CD247: variants seen among roughly 807,000 people sequenced by gnomAD.
The protein encoded by CD247 is T-cell surface glycoprotein CD3 zeta chain.
In CD247, 13 loss-of-function variants were observed where a neutral mutation model predicts 30.0. The observed-to-expected ratio is 0.43, with a 90% CI of 0.28 to 0.69. The LOEUF (loss-of-function observed/expected upper bound fraction) is 0.69. Among genes scored for constraint, CD247 ranks in the 30% least tolerant of loss-of-function variants. The pLI, the probability that CD247 is intolerant of heterozygous loss-of-function variation, is 0.16. For missense variants in CD247, 193 were observed against 212.6 expected, an observed-to-expected ratio of 0.91 and a Z score of 0.57; for synonymous variants, 72 against 80.0, an observed-to-expected ratio of 0.90 and a Z score of 0.53.
chr1:167,492,907 A>T (rs975323785), intron 1 of CD247, among the ~76,000 whole-genome samples: 1 of 152,098 alleles, frequency 6.6e-6, no homozygotes, highest in African/African-American at 2.4e-5. Flanking sequence ...GAGGCAGGAA[A>T]GGGGCTGAGT....
In CD247 at chr1:167,430,811, T is replaced by TGTCC. The variant is rs1310653639; in HGVS notation, c.*866_*869dup. On this transcript the variant is annotated 3_prime_UTR_variant, in exon 8 of 8. Transcript: ENST00000362089. ...TGACGGGTTTTTCCTGTCCTGCCAC[T>TGTCC]GTCCGCTGGGCAGTTATAGGTCCCA... The TGTCC allele has an allele frequency of 5.0e-6, 2 of 398,742 alleles. No individual in the cohort carries two copies. Among genetic ancestry groups the TGTCC allele is most frequent in the African/African-American group, 4.1e-5 (2 of 48,782 alleles). The allele number at this position is 398,742 out of a possible 1,614,324, so 24.7% of individuals were successfully genotyped here. A position where few individuals can be genotyped will look rare whatever the true frequency, so the allele number is the denominator to read the frequency against.
At chr1:167,434,881 G>C (rs534411967) in intron 5 of CD247, 23 of 466,702 alleles carry the variant, frequency 4.9e-5, no homozygotes, top group African/African-American at 4.2e-4. Flanking sequence ...AGACCACAGA[G>C]TGAGGAGCAA....
chr1:167,446,132 C>T (rs1652064843), intron 1 of CD247, among the ~76,000 whole-genome samples: 1 of 152,176 alleles, frequency 6.6e-6, no homozygotes. Context: ...GGCTTCGATG[C>T]AGCTGACCTA....
At chr1:167,506,339 T>A (rs1181323685) in intron 1 of CD247, among the ~76,000 whole-genome samples, 2 of 148,370 alleles carry the variant, frequency 1.3e-5, no homozygotes, top group Non-Finnish European at 3.0e-5. Context: ...TTCTTTCTCC[T>A]CTCCCTCCCC....
At chr1:167,502,808 C>T (rs934957017) in intron 1 of CD247, among the ~76,000 whole-genome samples, 13 of 152,274 alleles carry the variant, frequency 8.5e-5, no homozygotes, top group African/African-American at 2.6e-4. Flanking sequence ...GATGCATCTA[C>T]AAGCCAAGGA....
chr1:167,461,342 C>T (rs1652998800), intron 1 of CD247, among the ~76,000 whole-genome samples: 2 of 152,232 alleles, frequency 1.3e-5, no homozygotes, highest in African/African-American at 4.8e-5. Flanking sequence ...CACTCTAGAG[C>T]TATTTCTACT....
chr1:167,501,173 G>A (rs1387872449), intron 1 of CD247, among the ~76,000 whole-genome samples: 1 of 150,406 alleles, frequency 6.6e-6, no homozygotes, highest in Non-Finnish European at 1.5e-5. Flanking sequence ...TCCTGCCTCA[G>A]CCTCCCGAGT....
At chr1:167,471,830 T>TC (rs1653539726) in intron 1 of CD247, among the ~76,000 whole-genome samples, 1 of 143,568 alleles carries the variant, frequency 7.0e-6, no homozygotes, top group Non-Finnish European at 1.5e-5. Context: ...TCTGTTTCTT[T>TC]CTTTTTTTTT....
chr1:167,450,255 C>A (rs776785225), intron 1 of CD247, among the ~76,000 whole-genome samples: 3 of 152,104 alleles, frequency 2.0e-5, no homozygotes, highest in Admixed American at 1.3e-4. Flanking sequence ...CAACACTTGG[C>A]GAGGCCAAGC....
intron 1 of CD247, among the ~76,000 whole-genome samples, chr1:167,444,929 A>C (rs1321191096): frequency 1.3e-5 from 2 of 150,042 alleles, no homozygotes; most frequent in Non-Finnish European, 3.0e-5. Context: ...TAAATACGAT[A>C]CTTTTTTTTT....
chr1:167,438,763 C>A (rs761963998), intron 3 of CD247, 113 bp from the exon 4 acceptor site: 6 of 835,936 alleles, frequency 7.2e-6, no homozygotes, highest in Non-Finnish European at 1.3e-5. Context: ...AAAAGAGGGG[C>A]AGGGGCTGGG....
intron 1 of CD247, among the ~76,000 whole-genome samples, chr1:167,461,780 A>G (rs2102031472): frequency 6.6e-6 from 1 of 152,176 alleles, no homozygotes; most frequent in South Asian, 2.1e-4. Context: ...CCTGGGAGGC[A>G]GAGGTTGCAG....
chr1:167,473,432 G>A (rs974095178), intron 1 of CD247, among the ~76,000 whole-genome samples: 1 of 152,160 alleles, frequency 6.6e-6, no homozygotes, highest in Admixed American at 6.5e-5. Context: ...AGGCTACTAG[G>A]AGAAATGTCA....
intron 1 of CD247, among the ~76,000 whole-genome samples, chr1:167,465,594 G>T (rs984939654): frequency 3.5e-4 from 54 of 152,264 alleles, no homozygotes; most frequent in African/African-American, 1.1e-3. Context: ...GCCTCCAAAA[G>T]TTCTGGTATT....
intron 1 of CD247, among the ~76,000 whole-genome samples, chr1:167,471,763 C>T (rs1053925289): frequency 2.0e-5 from 3 of 151,254 alleles, no homozygotes; most frequent in African/African-American, 4.9e-5. Context: ...CCACTACACT[C>T]GGCTTTATTT....
intron 1 of CD247, among the ~76,000 whole-genome samples, chr1:167,495,193 T>A (rs959598159): frequency 6.6e-6 from 1 of 152,250 alleles, no homozygotes; most frequent in African/African-American, 2.4e-5. Context: ...CTTGGCTGTC[T>A]ACCTAGTATC....
intron 1 of CD247, among the ~76,000 whole-genome samples, chr1:167,484,514 C>G (rs929179644): frequency 1.3e-5 from 2 of 152,230 alleles, no homozygotes; most frequent in Admixed American, 1.3e-4. Context: ...CGGTGGCTCA[C>G]GCCTGTGATC....
intron 1 of CD247, among the ~76,000 whole-genome samples, chr1:167,495,121 T>C (rs1294314681): frequency 6.6e-6 from 1 of 152,258 alleles, no homozygotes; most frequent in African/African-American, 2.4e-5. Flanking sequence ...AGAAAAAGTT[T>C]CCAGCAACAG....
chr1:167,516,845 G>A (rs1233715089), intron 1 of CD247, among the ~76,000 whole-genome samples: 1 of 152,104 alleles, frequency 6.6e-6, no homozygotes, highest in Non-Finnish European at 1.5e-5. Context: ...ACCACGCTTG[G>A]CAGCCACCGC....
Sources: allele counts gnomAD v4.1 joint callset (sites outside exome capture counted in the v4.1 genomes callset), GRCh38; gene constraint gnomAD v4.1.1; transcripts MANE v1.5; gene names NCBI Gene and HGNC (gene_info 2026-07-23, HGNC 2026-07-21).